Variants in TNNI3K observed in about 807,000 individuals in gnomAD.
TNNI3K encodes the protein TNNI3 interacting kinase.
TNNI3K carries 140 observed loss-of-function variants against 114.5 expected under a neutral mutation model. That is an observed-to-expected ratio of 1.22 (90% CI 1.07 to 1.41). TNNI3K has a LOEUF of 1.41. TNNI3K is among the 40% of genes most tolerant of loss of function. TNNI3K has a pLI of 0.00. For synonymous variants in TNNI3K, 347 were observed against 347.5 expected (o/e 1.00, Z 0.02); for missense variants, 1,125 against 1,007.6 (o/e 1.12, Z -1.58).
At chr1:74,471,966 A>C (rs1667953578) in intron 21 of TNNI3K, 1 of 620,338 alleles carries the variant, frequency 1.6e-6, no homozygotes, top group Admixed American at 2.8e-5. Flanking sequence ...CACAAGGATC[A>C]TCATATTTTG....
intron 17 of TNNI3K, among the ~76,000 whole-genome samples, chr1:74,428,968 C>T (rs932212167): frequency 6.6e-6 from 1 of 152,006 alleles, no homozygotes; most frequent in Non-Finnish European, 1.5e-5. Flanking sequence ...TCGGGTGAGG[C>T]TTTATTTGGC....
intron 4 of TNNI3K, among the ~76,000 whole-genome samples, chr1:74,260,394 T>C (rs535116267): frequency 2.0e-5 from 3 of 152,160 alleles, no homozygotes; most frequent in South Asian, 4.1e-4. Context: ...TAAGAAAGAC[T>C]GTCAGCTTAG....
chr1:74,371,976 T>C (rs1244997353), intron 17 of TNNI3K: 1 of 150,436 alleles, frequency 6.6e-6, no homozygotes, highest in African/African-American at 2.5e-5. Flanking sequence ...CAACTTTAAA[T>C]AACAAAATAC....
rs1315546566 is a variant in TNNI3K, at chr1:74,367,332, G to A, written c.1254G>A (p.Gln418=). 4.3e-6 allele frequency: 7 copies of A among 1,612,004 alleles called. No homozygotes were observed. In the African/African-American group the frequency reaches 9.3e-5, roughly 22 times the overall value. ...QDELPCNEYS[Q]PGGDGSYVSV... ...AATTGCCCTGTAATGAATATTCTCAGCCTGGAGGAGGTACCCCTTTTCTTA... is the reference window on the plus strand; with the variant it reads ...AATTGCCCTGTAATGAATATTCTCAACCTGGAGGAGGTACCCCTTTTCTTA... Residue 418 remains glutamine (Q), a synonymous_variant, in exon 12 of 25, where the codon CAG becomes CAA. Coordinates refer to ENST00000326637, the MANE Select transcript of TNNI3K (RefSeq NM_015978.3).
intron 17 of TNNI3K, among the ~76,000 whole-genome samples, chr1:74,415,146 C>T (rs1216030582): frequency 6.6e-6 from 1 of 152,154 alleles, no homozygotes; most frequent in East Asian, 1.9e-4. Flanking sequence ...GGCCTTTGCA[C>T]TTGCCGCTCC....
chr1:74,311,242 T>C (rs1171621777), intron 5 of TNNI3K, among the ~76,000 whole-genome samples: 1 of 152,174 alleles, frequency 6.6e-6, no homozygotes, highest in East Asian at 1.9e-4. Flanking sequence ...TTCAGAAATG[T>C]GAGCAATTAG....
intron 23 of TNNI3K, among the ~76,000 whole-genome samples, chr1:74,539,415 G>T (rs143808736): frequency 1.3e-5 from 2 of 152,132 alleles, no homozygotes; most frequent in Non-Finnish European, 2.9e-5. Context: ...ATGCTAGAGA[G>T]ATTATAGATA....
Position 74,297,522 on chromosome 1 carries a change from CGT to C in TNNI3K, c.444+25845_444+25846del, listed in dbSNP as rs10633137. 8.1e-3 allele frequency among the ~76,000 whole-genome samples: 1,185 copies of C among 145,408 alleles called. 8 individuals are homozygous for C. The highest frequency in any genetic ancestry group is 0.018 in the Middle Eastern group (5 of 284). ...TGGCATCTTGTCCAGTGTGTGTGTGCGTGTGTGTGTGTGTGTGTGTGTGTGTG... is the reference window on the plus strand; with the variant it reads ...TGGCATCTTGTCCAGTGTGTGTGTGCGTGTGTGTGTGTGTGTGTGTGTGTG... On this transcript the variant is annotated intron_variant, in intron 5 of 24. Coordinates refer to ENST00000326637, the MANE Select transcript of TNNI3K (RefSeq NM_015978.3).
chr1:74,275,054 T>C (rs1656591850), intron 5 of TNNI3K, among the ~76,000 whole-genome samples: 1 of 152,082 alleles, frequency 6.6e-6, no homozygotes, highest in Admixed American at 6.6e-5. Context: ...GATTATCTAT[T>C]ATTAGAAACA....
At chr1:74,385,707 T>A in intron 17 of TNNI3K, among the ~76,000 whole-genome samples, 1 of 152,166 alleles carries the variant, frequency 6.6e-6, no homozygotes, top group East Asian at 1.9e-4. Flanking sequence ...AAGAGTTCAG[T>A]CCAAGCACCA....
intron 3 of TNNI3K, among the ~76,000 whole-genome samples, chr1:74,249,826 CAG>C (rs780756823): frequency 7.9e-5 from 12 of 152,146 alleles, no homozygotes; most frequent in Non-Finnish European, 1.8e-4. Flanking sequence ...GCATGCCAGT[CAG>C]GGATTAACTT....
intron 17 of TNNI3K, among the ~76,000 whole-genome samples, chr1:74,411,459 C>CAT (rs1664875621): frequency 6.6e-6 from 1 of 152,106 alleles, no homozygotes. Context: ...GGGTCTAACA[C>CAT]ATAGGTCAAA....
intron 21 of TNNI3K, among the ~76,000 whole-genome samples, chr1:74,467,991 A>G (rs1667749706): frequency 6.6e-6 from 1 of 152,200 alleles, no homozygotes; most frequent in Admixed American, 6.5e-5. Flanking sequence ...GTTGATTACA[A>G]CACACAGACT....
chr1:74,361,158 C>G (rs1012614361), intron 11 of TNNI3K, among the ~76,000 whole-genome samples: 3 of 152,030 alleles, frequency 2.0e-5, no homozygotes, highest in East Asian at 1.9e-4. Context: ...AATAAACAGG[C>G]AAAATATTTT....
intron 7 of TNNI3K, among the ~76,000 whole-genome samples, chr1:74,338,582 A>G (rs1453696533): frequency 6.6e-6 from 1 of 151,974 alleles, no homozygotes; most frequent in East Asian, 1.9e-4. Context: ...ACACATTTCC[A>G]AAAGGACATG....
At chr1:74,475,021 A>T (rs1476282078) in intron 21 of TNNI3K, among the ~76,000 whole-genome samples, 1 of 151,160 alleles carries the variant, frequency 6.6e-6, no homozygotes, top group African/African-American at 2.4e-5. Context: ...TCTTTTTTTA[A>T]CATTGTTAGG....
chr1:74,334,207 A>G (rs1382001583), intron 6 of TNNI3K, among the ~76,000 whole-genome samples: 1 of 152,210 alleles, frequency 6.6e-6, no homozygotes, highest in African/African-American at 2.4e-5. Context: ...GATAAGTAGA[A>G]GACTGATTTC....
chr1:74,467,326 A>G (rs1007706315), intron 21 of TNNI3K, among the ~76,000 whole-genome samples: 1 of 152,172 alleles, frequency 6.6e-6, no homozygotes, highest in Non-Finnish European at 1.5e-5. Context: ...TAGGTTATCA[A>G]CTGTGCTTCT....
chr1:74,384,372 G>A (rs7541440), intron 17 of TNNI3K, among the ~76,000 whole-genome samples: 151,846 of 152,266 alleles, frequency 1, 75,715 homozygotes, highest in Middle Eastern at 1. Flanking sequence ...CTGATTTTCT[G>A]TTTTACTTAG....
Sources: allele counts gnomAD v4.1 joint callset (sites outside exome capture counted in the v4.1 genomes callset), GRCh38; gene constraint gnomAD v4.1.1; transcripts MANE v1.5; gene names NCBI Gene and HGNC (gene_info 2026-07-23, HGNC 2026-07-21).